The following IMMP2L variants were observed in gnomAD, a reference collection of about 807,000 sequenced individuals.
The protein encoded by IMMP2L is inner mitochondrial membrane peptidase subunit 2.
IMMP2L carries 18 observed loss-of-function variants against 19.3 expected under a neutral mutation model. The ratio of observed to expected loss-of-function variants is 0.93; its 90% confidence interval spans 0.64 to 1.38. The LOEUF is 1.38. Ranked by LOEUF, IMMP2L falls within the 40% of genes most tolerant of loss-of-function variation. The pLI is 0.00. For missense variants in IMMP2L, 233 were observed against 218.2 expected, an observed-to-expected ratio of 1.07 and a Z score of -0.43; for synonymous variants, 76 against 73.0, an observed-to-expected ratio of 1.04 and a Z score of -0.21.
chr7:110,950,453 T>C (rs1233784377), intron 4 of IMMP2L, among the ~76,000 whole-genome samples: 1 of 152,064 alleles, frequency 6.6e-6, no homozygotes, highest in African/African-American at 2.4e-5. Context: ...TTGTTTGGGT[T>C]ATTCAGGGTA....
At position 110,786,101 on chromosome 7, in the gene IMMP2L, A is replaced by G. The variant is rs187408273; in HGVS notation, c.408+100492T>C. 2.5e-3 allele frequency among the ~76,000 whole-genome samples: 373 copies of G among 152,126 alleles called. 2 individuals are homozygous for G. The highest frequency in any genetic ancestry group is 7.1e-3 in the African/African-American group (296 of 41,538). ...TTTCTGTATATTAACAATAAATATT[A>G]TAAAGAGTCTTTTAACTAACATGTT... On this transcript the variant is annotated intron_variant, in intron 5 of 5. Transcript: ENST00000405709.
At chr7:111,535,888 G>T (rs1225229615) in intron 1 of IMMP2L, among the ~76,000 whole-genome samples, 1 of 152,048 alleles carries the variant, frequency 6.6e-6, no homozygotes, top group African/African-American at 2.4e-5. Flanking sequence ...AATTCTTAGG[G>T]TCTAATACCA....
chr7:111,542,377 T>C (rs1305368586), intron 1 of IMMP2L, among the ~76,000 whole-genome samples: 1 of 152,098 alleles, frequency 6.6e-6, no homozygotes, highest in Non-Finnish European at 1.5e-5. Context: ...ATACTGAAAA[T>C]TGTTATTTTA....
At chr7:111,095,523 A>G (rs2129578654) in intron 3 of IMMP2L, among the ~76,000 whole-genome samples, 1 of 152,138 alleles carries the variant, frequency 6.6e-6, no homozygotes, top group African/African-American at 2.4e-5. Context: ...AGAAGCAACG[A>G]TTTATTAAGT....
At chr7:111,195,034 C>T (rs1329026395) in intron 3 of IMMP2L, among the ~76,000 whole-genome samples, 1 of 151,996 alleles carries the variant, frequency 6.6e-6, no homozygotes, top group Non-Finnish European at 1.5e-5. Context: ...ACAATTAAAA[C>T]TGTCACCATT....
intron 4 of IMMP2L, among the ~76,000 whole-genome samples, chr7:110,929,098 G>C (rs891478875): frequency 6.6e-6 from 1 of 152,024 alleles, no homozygotes; most frequent in African/African-American, 2.4e-5. Flanking sequence ...AAATCACTCT[G>C]TTTGTCAACT....
intron 5 of IMMP2L, among the ~76,000 whole-genome samples, chr7:110,725,234 A>G (rs1258467390): frequency 6.6e-6 from 1 of 152,192 alleles, no homozygotes; most frequent in African/African-American, 2.4e-5. Flanking sequence ...GACAATTTGT[A>G]TGAAAAGTGG....
At chr7:111,096,607 G>T (rs1320002424) in intron 3 of IMMP2L, among the ~76,000 whole-genome samples, 1 of 151,374 alleles carries the variant, frequency 6.6e-6, no homozygotes, top group Non-Finnish European at 1.5e-5. Context: ...TTGTCTGACA[G>T]CATTAGCACT....
intron 5 of IMMP2L, among the ~76,000 whole-genome samples, chr7:110,846,692 G>C (rs1446132089): frequency 6.6e-6 from 1 of 151,972 alleles, no homozygotes; most frequent in African/African-American, 2.4e-5. Context: ...ATTCAACCTT[G>C]AATGCTTCCA....
intron 3 of IMMP2L, among the ~76,000 whole-genome samples, chr7:111,071,823 C>T (rs1028160973): frequency 6.6e-6 from 1 of 152,112 alleles, no homozygotes; most frequent in African/African-American, 2.4e-5. Context: ...TTGTACAACA[C>T]TGTCAATGCA....
intron 5 of IMMP2L, among the ~76,000 whole-genome samples, chr7:110,706,662 G>GT (rs1794704498): frequency 6.6e-6 from 1 of 152,060 alleles, no homozygotes; most frequent in South Asian, 2.1e-4. Flanking sequence ...CTTTCAAGAA[G>GT]TGTCCATGTC....
intron 1 of IMMP2L, among the ~76,000 whole-genome samples, chr7:111,555,561 T>C (rs1791190803): frequency 6.6e-6 from 1 of 152,122 alleles, no homozygotes; most frequent in Non-Finnish European, 1.5e-5. Context: ...GTTGTTTCTC[T>C]CTCAAAAAAT....
At chr7:110,927,165 C>T (rs1814945222) in intron 4 of IMMP2L, among the ~76,000 whole-genome samples, 1 of 152,030 alleles carries the variant, frequency 6.6e-6, no homozygotes, top group Non-Finnish European at 1.5e-5. Context: ...TCTTTTTCTT[C>T]CTTCCCCCTC....
intron 3 of IMMP2L, among the ~76,000 whole-genome samples, chr7:111,266,687 C>A (rs770435210): frequency 2.0e-5 from 3 of 152,136 alleles, no homozygotes; most frequent in Non-Finnish European, 2.9e-5. Flanking sequence ...CATACACCCA[C>A]TGTAAAATTA....
At chr7:111,516,526 A>C (rs985490326) in intron 2 of IMMP2L, among the ~76,000 whole-genome samples, 12 of 152,142 alleles carry the variant, frequency 7.9e-5, no homozygotes, top group Non-Finnish European at 1.6e-4. Flanking sequence ...CAAGTTTTTA[A>C]AAAGTGTAAT....
chr7:110,818,441 G>A (rs1369677470), intron 5 of IMMP2L, among the ~76,000 whole-genome samples: 19 of 152,092 alleles, frequency 1.2e-4, no homozygotes, highest in South Asian at 1.2e-3. Flanking sequence ...TTAGAATGGC[G>A]ATCATTAAAA....
At chr7:111,430,524 T>G (rs371187794) in intron 3 of IMMP2L, among the ~76,000 whole-genome samples, 2 of 151,804 alleles carry the variant, frequency 1.3e-5, no homozygotes, top group Non-Finnish European at 2.9e-5. Flanking sequence ...GATAAATAAT[T>G]ATAAATAAAA....
intron 3 of IMMP2L, among the ~76,000 whole-genome samples, chr7:111,070,137 A>G (rs2129575270): frequency 6.6e-6 from 1 of 152,322 alleles, no homozygotes; most frequent in African/African-American, 2.4e-5. Flanking sequence ...GATAGTGAAA[A>G]AAAAATATGT....
intron 3 of IMMP2L, among the ~76,000 whole-genome samples, chr7:111,283,467 C>G (rs534664193): frequency 6.6e-6 from 1 of 152,246 alleles, no homozygotes; most frequent in Admixed American, 6.5e-5. Flanking sequence ...GAAGCAGCTT[C>G]CCAAAGCAGG....
Sources: gnomAD v4.1 joint callset for allele counts (sites outside exome capture counted in the v4.1 genomes callset) on GRCh38, gnomAD v4.1.1 for gene constraint, MANE v1.5 for transcripts, NCBI Gene and HGNC (gene_info 2026-07-23, HGNC 2026-07-21) for gene names.